Variants in CDH18 observed in about 807,000 individuals in gnomAD.
The protein encoded by CDH18 is cadherin 18, also known as cadherin-18.
In CDH18, 31 loss-of-function variants were observed where a neutral mutation model predicts 67.9. That is an observed-to-expected ratio of 0.46 (90% CI 0.34 to 0.62). CDH18 has a LOEUF of 0.62. Among genes scored for constraint, CDH18 ranks in the 20% least tolerant of loss-of-function variants. The probability of loss-of-function intolerance (pLI) is 0.01; values close to 1 mark genes in which losing one functional copy is unlikely to be tolerated. For synonymous variants in CDH18, 362 were observed against 347.2 expected (o/e 1.04, Z -0.48); for missense variants, 890 against 975.5 (o/e 0.91, Z 1.17).
intron 5 of CDH18, among the ~76,000 whole-genome samples, chr5:19,688,131 G>T (rs1213423036): frequency 6.6e-6 from 1 of 152,022 alleles, no homozygotes; most frequent in Non-Finnish European, 1.5e-5. Context: ...CACCATTACT[G>T]CCATCACTCA....
At chr5:20,132,462 A>G (rs977050617) in intron 2 of CDH18, among the ~76,000 whole-genome samples, 2 of 152,080 alleles carry the variant, frequency 1.3e-5, no homozygotes, top group Non-Finnish European at 2.9e-5. Context: ...TATTAACTAC[A>G]GTCTATAATT....
At chr5:19,579,765 T>C (rs1742925257) in intron 7 of CDH18, among the ~76,000 whole-genome samples, 1 of 151,870 alleles carries the variant, frequency 6.6e-6, no homozygotes, top group South Asian at 2.1e-4. Context: ...TTAAGGCACA[T>C]GTTTACATTC....
intron 1 of CDH18, among the ~76,000 whole-genome samples, chr5:20,391,944 G>GA (rs1744899154): frequency 3.0e-4 from 1 of 3,336 alleles, no homozygotes; most frequent in African/African-American, 3.5e-4. Context: ...TATTGTTATA[G>GA]CATAAACAGC....
At chr5:19,510,616 C>T (rs906287404) in intron 10 of CDH18, among the ~76,000 whole-genome samples, 8 of 152,074 alleles carry the variant, frequency 5.3e-5, no homozygotes, top group Admixed American at 3.9e-4. Flanking sequence ...ATGTCAAATG[C>T]TAAGTGTAGT....
At chr5:20,234,983 T>C (rs529381864) in intron 2 of CDH18, among the ~76,000 whole-genome samples, 1 of 152,184 alleles carries the variant, frequency 6.6e-6, no homozygotes, top group Non-Finnish European at 1.5e-5. Context: ...CTACATGAAC[T>C]TAAAATGCAG....
chr5:20,553,731 A>T (rs1213879147), intron 1 of CDH18, among the ~76,000 whole-genome samples: 1 of 152,188 alleles, frequency 6.6e-6, no homozygotes, highest in Non-Finnish European at 1.5e-5. Context: ...CACATATCAT[A>T]AGACTGAACA....
chr5:20,051,446 T>C (rs538815324), intron 2 of CDH18, among the ~76,000 whole-genome samples: 213 of 152,108 alleles, frequency 1.4e-3, no homozygotes, highest in African/African-American at 4.8e-3. Context: ...GACTCTACTA[T>C]GTTAAAATAA....
rs112850218 is a variant in CDH18, at chr5:20,424,365, A to G, written c.-580+151097T>C. On this transcript the variant is annotated intron_variant, in intron 1 of 14. Coordinates refer to the CDH18 transcript ENST00000507958. Reference sequence around the variant, plus strand: ...CCATCATATTATCATACAAATGTGAAGGAAAGAACAAGGATGTTTCAGAGC... The same window carrying G: ...CCATCATATTATCATACAAATGTGAGGGAAAGAACAAGGATGTTTCAGAGC... 4.9e-4 allele frequency among the ~76,000 whole-genome samples: 74 copies of G among 151,008 alleles called. 5 individuals carry two copies. Among genetic ancestry groups the G allele is most frequent in the African/African-American group, 1.6e-3 (65 of 40,376 alleles).
At chr5:20,294,817 A>G (rs925275160) in intron 1 of CDH18, among the ~76,000 whole-genome samples, 2 of 152,246 alleles carry the variant, frequency 1.3e-5, no homozygotes, top group Middle Eastern at 6.8e-3. Context: ...TACATTAACT[A>G]TTTTCCTACA....
At chr5:20,216,294 A>G (rs1436400261) in intron 2 of CDH18, among the ~76,000 whole-genome samples, 1 of 152,002 alleles carries the variant, frequency 6.6e-6, no homozygotes, top group Non-Finnish European at 1.5e-5. Context: ...AGACTTGCCC[A>G]ATGCAAGTCT....
chr5:20,337,667 T>C (rs1561984429), intron 1 of CDH18, among the ~76,000 whole-genome samples: 1 of 152,178 alleles, frequency 6.6e-6, no homozygotes, highest in African/African-American at 2.4e-5. Flanking sequence ...TCTAGAAAGG[T>C]CCAAACATTT....
chr5:19,839,067 C>A lies in CDH18; in HGVS notation c.-81G>T. The A allele has an allele frequency of 9.3e-7, 1 of 1,079,318 alleles. No homozygotes were observed. Among genetic ancestry groups the A allele is most frequent in the Non-Finnish European group, 1.4e-6 (1 of 708,692 alleles). 66.9% of individuals were successfully genotyped at this position (1,079,318 alleles called of 1,614,324 possible). A position where few individuals can be genotyped will look rare whatever the true frequency, so the allele number is the denominator to read the frequency against. On this transcript the variant is annotated 5_prime_UTR_variant, in exon 3 of 13. Transcript: ENST00000382275. ...GCTTAGTGAGCATTCAAGAGAGAAG[C>A]CAGAGCATCTTTAGGAAGGACAGTC...
chr5:20,077,323 C>T (rs1744037067), intron 2 of CDH18, among the ~76,000 whole-genome samples: 1 of 152,184 alleles, frequency 6.6e-6, no homozygotes. Flanking sequence ...CTAACAATAA[C>T]CTTTTGCTAT....
At chr5:20,470,928 C>T (rs1011855409) in intron 1 of CDH18, among the ~76,000 whole-genome samples, 2 of 152,166 alleles carry the variant, frequency 1.3e-5, no homozygotes, top group African/African-American at 2.4e-5. Context: ...TCTACGAGAT[C>T]GTTCCTATCA....
chr5:20,366,072 A>G (rs1466742418), intron 1 of CDH18, among the ~76,000 whole-genome samples: 1 of 152,174 alleles, frequency 6.6e-6, no homozygotes, highest in African/African-American at 2.4e-5. Context: ...CTGCCAATGC[A>G]TCTTCCATGA....
intron 2 of CDH18, among the ~76,000 whole-genome samples, chr5:20,080,157 C>T (rs1411033073): frequency 6.6e-6 from 1 of 152,092 alleles, no homozygotes; most frequent in African/African-American, 2.4e-5. Context: ...CATACAAAAC[C>T]TTCAACTGTC....
At chr5:20,093,093 A>G (rs935949975) in intron 2 of CDH18, among the ~76,000 whole-genome samples, 3 of 152,076 alleles carry the variant, frequency 2.0e-5, no homozygotes, top group Admixed American at 2.0e-4. Context: ...AATATTGAGC[A>G]AGGAATGCTG....
At chr5:20,429,797 G>A (rs1174204848) in intron 1 of CDH18, among the ~76,000 whole-genome samples, 2 of 152,116 alleles carry the variant, frequency 1.3e-5, no homozygotes, top group Admixed American at 6.6e-5. Flanking sequence ...AGGTAATAGT[G>A]TCATTGTATA....
intron 2 of CDH18, among the ~76,000 whole-genome samples, chr5:19,915,504 C>CTGTTGACTGG (rs1245066884): frequency 6.6e-6 from 1 of 152,084 alleles, no homozygotes; most frequent in African/African-American, 2.4e-5. Flanking sequence ...GAACAGCCTA[C>CTGTTGACTGG]TGTTGACTGG....
Sources: allele counts gnomAD v4.1 joint callset (sites outside exome capture counted in the v4.1 genomes callset), GRCh38; gene constraint gnomAD v4.1.1; transcripts MANE v1.5; gene names NCBI Gene and HGNC (gene_info 2026-07-23, HGNC 2026-07-21).